The following ADAMTSL1 variants were observed in gnomAD, a reference collection of about 807,000 sequenced individuals.
ADAMTSL1 encodes the protein ADAMTS like 1.
Under a neutral mutation model 201.8 loss-of-function variants are expected in ADAMTSL1, and 126 were observed. That is an observed-to-expected ratio of 0.62 (90% CI 0.54 to 0.72). ADAMTSL1 has a LOEUF of 0.72. ADAMTSL1 is among the 30% of genes least tolerant of loss of function. ADAMTSL1 has a pLI of 0.00. For missense variants in ADAMTSL1, 2,679 were observed against 2,277.8 expected, an observed-to-expected ratio of 1.18 and a Z score of -3.59; for synonymous variants, 1,121 against 903.4, an observed-to-expected ratio of 1.24 and a Z score of -4.32.
intron 2 of ADAMTSL1, among the ~76,000 whole-genome samples, chr9:18,363,211 G>A (rs1378282549): frequency 6.6e-6 from 1 of 152,180 alleles, no homozygotes; most frequent in African/African-American, 2.4e-5. Flanking sequence ...TCTAGATGAG[G>A]TGTTGACTGA....
intron 4 of ADAMTSL1, among the ~76,000 whole-genome samples, chr9:18,594,678 C>T (rs1824149802): frequency 6.6e-6 from 1 of 152,180 alleles, no homozygotes; most frequent in Middle Eastern, 3.4e-3. Context: ...ATTTTAATTT[C>T]TCTATTTAAT....
At chr9:18,407,605 G>C (rs767505378) in intron 2 of ADAMTSL1, among the ~76,000 whole-genome samples, 2 of 152,014 alleles carry the variant, frequency 1.3e-5, no homozygotes, top group Non-Finnish European at 1.5e-5. Flanking sequence ...ATAAGGGAGT[G>C]GTAATAGTTT....
At chr9:18,561,601 T>G (rs987762239) in intron 3 of ADAMTSL1, among the ~76,000 whole-genome samples, 1 of 152,184 alleles carries the variant, frequency 6.6e-6, no homozygotes, top group Non-Finnish European at 1.5e-5. Flanking sequence ...TTCTGTCTTG[T>G]TGATCTGTCT....
At chr9:18,675,618 G>C in intron 9 of ADAMTSL1, among the ~76,000 whole-genome samples, 1 of 152,078 alleles carries the variant, frequency 6.6e-6, no homozygotes, top group African/African-American at 2.4e-5. Flanking sequence ...CTTTGCAATG[G>C]TATTTCCTGC....
At chr9:18,799,746 T>G (rs984410163) in intron 20 of ADAMTSL1, among the ~76,000 whole-genome samples, 1 of 130,682 alleles carries the variant, frequency 7.7e-6, no homozygotes, top group Admixed American at 7.4e-5. Context: ...TCCTAGCATG[T>G]TTTTTTGCTC....
chr9:18,460,436 T>C (rs1259174941), intron 2 of ADAMTSL1, among the ~76,000 whole-genome samples: 1 of 152,150 alleles, frequency 6.6e-6, no homozygotes, highest in Non-Finnish European at 1.5e-5. Flanking sequence ...GACTATCCTC[T>C]TTAGTGGTAA....
intron 1 of ADAMTSL1, among the ~76,000 whole-genome samples, chr9:17,924,365 T>C (rs1027509232): frequency 1.3e-5 from 2 of 152,146 alleles, no homozygotes; most frequent in African/African-American, 4.8e-5. Context: ...AGAGTGTATG[T>C]GTCGAGGAAT....
intron 2 of ADAMTSL1, among the ~76,000 whole-genome samples, chr9:18,280,404 CA>C (rs35683008): frequency 0.37 from 48,764 of 131,736 alleles, 9,054 homozygotes; most frequent in Non-Finnish European, 0.47. Context: ...GTTTATCTCT[CA>C]AAAAAAAAAA....
chr9:18,839,081 T>C (rs1306934353), intron 23 of ADAMTSL1, among the ~76,000 whole-genome samples: 3 of 150,716 alleles, frequency 2.0e-5, no homozygotes, highest in Admixed American at 1.3e-4. Context: ...ATGTGCACAA[T>C]GTGCAGGTTA....
At chr9:18,076,227 GA>G (rs1457653167) in intron 1 of ADAMTSL1, among the ~76,000 whole-genome samples, 2 of 152,158 alleles carry the variant, frequency 1.3e-5, no homozygotes, top group East Asian at 3.9e-4. Flanking sequence ...CTCAACATGG[GA>G]AATATTGGAA....
chr9:18,759,539 G>A (rs1329043864), intron 16 of ADAMTSL1, among the ~76,000 whole-genome samples: 1 of 152,030 alleles, frequency 6.6e-6, no homozygotes, highest in African/African-American at 2.4e-5. Context: ...TCTGTCCCAG[G>A]GAGGAAAAAA....
chr9:18,146,951 C>G (rs1209268497), intron 1 of ADAMTSL1, among the ~76,000 whole-genome samples: 3 of 152,228 alleles, frequency 2.0e-5, no homozygotes, highest in East Asian at 3.9e-4. Flanking sequence ...TAACACCTTT[C>G]TATTTCTCTT....
chr9:18,487,526 G>A (rs1029713323), intron 1 of ADAMTSL1, among the ~76,000 whole-genome samples: 2 of 152,136 alleles, frequency 1.3e-5, no homozygotes. Flanking sequence ...GCATGAAAAT[G>A]TCTTTAGACT....
chr9:18,584,941 G>A (rs1024490595), intron 4 of ADAMTSL1, among the ~76,000 whole-genome samples: 8 of 152,124 alleles, frequency 5.3e-5, no homozygotes, highest in South Asian at 2.1e-4. Flanking sequence ...TCAGTCTCAG[G>A]TATTTTGTTA....
chr9:18,774,753 A>G (rs1820880003), intron 17 of ADAMTSL1, among the ~76,000 whole-genome samples: 1 of 152,188 alleles, frequency 6.6e-6, no homozygotes, highest in Non-Finnish European at 1.5e-5. Context: ...TCCACTGTAT[A>G]GATATGGCAT....
At chr9:18,576,087 T>G (rs10738513) in intron 4 of ADAMTSL1, among the ~76,000 whole-genome samples, 98,796 of 151,578 alleles carry the variant, frequency 0.65, 32,446 homozygotes, top group East Asian at 0.82. Flanking sequence ...CTTTAACTTA[T>G]ATTCTTATGA....
intron 2 of ADAMTSL1, among the ~76,000 whole-genome samples, chr9:18,358,075 C>T (rs976039790): frequency 1.5e-4 from 23 of 152,156 alleles, no homozygotes; most frequent in African/African-American, 4.3e-4. Flanking sequence ...CTGGCTGTTC[C>T]GGTGACTTAG....
chr9:18,186,615 G>A (rs957909508), intron 2 of ADAMTSL1, among the ~76,000 whole-genome samples: 1 of 152,096 alleles, frequency 6.6e-6, no homozygotes, highest in African/African-American at 2.4e-5. Flanking sequence ...TATATTTTGT[G>A]ATTGGTTCTG....
intron 1 of ADAMTSL1, among the ~76,000 whole-genome samples, chr9:17,914,042 C>T (rs981983303): frequency 2.0e-5 from 3 of 152,222 alleles, no homozygotes; most frequent in East Asian, 1.9e-4. Flanking sequence ...GCTTACCAAC[C>T]AAAAAGACTC....
Sources: gnomAD v4.1 joint callset for allele counts (sites outside exome capture counted in the v4.1 genomes callset) on GRCh38, gnomAD v4.1.1 for gene constraint, MANE v1.5 for transcripts, NCBI Gene and HGNC (gene_info 2026-07-23, HGNC 2026-07-21) for gene names.